Variants in DTNBP1 observed in about 807,000 individuals in gnomAD.
DTNBP1 encodes the protein dystrobrevin binding protein 1.
DTNBP1 carries 35 observed loss-of-function variants against 42.8 expected under a neutral mutation model. The ratio of observed to expected loss-of-function variants is 0.82; its 90% confidence interval spans 0.63 to 1.09. The LOEUF (loss-of-function observed/expected upper bound fraction) is 1.09. Ranked by LOEUF, DTNBP1 falls within the 50% of genes least tolerant of loss-of-function variation. The pLI, the probability that DTNBP1 is intolerant of heterozygous loss-of-function variation, is 0.00. For synonymous variants in DTNBP1, 171 were observed against 162.2 expected, an observed-to-expected ratio of 1.05 and a Z score of -0.41; for missense variants, 457 against 424.2, an observed-to-expected ratio of 1.08 and a Z score of -0.68.
chr6:15,634,404 C>T (rs1427945513), intron 4 of DTNBP1, among the ~76,000 whole-genome samples: 3 of 152,170 alleles, frequency 2.0e-5, no homozygotes, highest in African/African-American at 7.2e-5. Context: ...ACAACCTCTG[C>T]CTCCCAGGTT....
At chr6:15,625,511 G>A (rs865824351) in intron 5 of DTNBP1, among the ~76,000 whole-genome samples, 2 of 152,304 alleles carry the variant, frequency 1.3e-5, no homozygotes, top group South Asian at 4.1e-4. Context: ...TGCAGTTTCT[G>A]AAGAATAAGG....
In DTNBP1 at chr6:15,533,573, C is replaced by A. The variant is rs1438266750; in HGVS notation, c.512-178G>T. The A allele has an allele frequency of 2.9e-6, 3 of 1,021,810 alleles. No homozygotes were observed. In the Admixed American group the frequency reaches 5.7e-5, roughly 19 times the overall value. 63.3% of individuals were successfully genotyped at this position (1,021,810 alleles called of 1,614,324 possible). ...CCTTGTCCCCCAATCTGCTGCACTT[C>A]CTCCCCCTACCTGGGCGGTCAGGGT... is the stretch of plus-strand genomic sequence containing the variant. On this transcript the variant is annotated intron_variant, in intron 7 of 9. Coordinates refer to ENST00000344537, the MANE Select transcript of DTNBP1 (RefSeq NM_032122.5).
chr6:15,634,451 G>A (rs887912753), intron 4 of DTNBP1, among the ~76,000 whole-genome samples: 1 of 152,082 alleles, frequency 6.6e-6, no homozygotes, highest in Non-Finnish European at 1.5e-5. Context: ...CAAGTAGCTG[G>A]AATTACAGGT....
At chr6:15,620,625 A>G (rs1033241514) in intron 5 of DTNBP1, among the ~76,000 whole-genome samples, 1 of 152,238 alleles carries the variant, frequency 6.6e-6, no homozygotes, top group Non-Finnish European at 1.5e-5. Flanking sequence ...TGTATAAAAC[A>G]CTATCATAGC....
chr6:15,554,411 T>C (rs1426922862), intron 7 of DTNBP1, among the ~76,000 whole-genome samples: 1 of 152,150 alleles, frequency 6.6e-6, no homozygotes, highest in African/African-American at 2.4e-5. Context: ...TGTCTTTTGT[T>C]ATAGGGGTCT....
chr6:15,597,996 T>C (rs1776581689), intron 6 of DTNBP1, among the ~76,000 whole-genome samples: 1 of 152,242 alleles, frequency 6.6e-6, no homozygotes, highest in Non-Finnish European at 1.5e-5. Context: ...TCATTTTAAA[T>C]GTTAACATAT....
chr6:15,657,125 A>C (rs940555218), intron 1 of DTNBP1, among the ~76,000 whole-genome samples: 2 of 152,172 alleles, frequency 1.3e-5, no homozygotes, highest in Non-Finnish European at 2.9e-5. Flanking sequence ...AGCTGCACAG[A>C]CTCAGGAAAG....
At position 15,587,495 on chromosome 6, in the gene DTNBP1, CA is replaced by C. The variant is rs1561976616; in HGVS notation, c.511+5563del. On this transcript the variant is annotated intron_variant, in intron 7 of 9. Coordinates refer to ENST00000344537, the MANE Select transcript of DTNBP1 (RefSeq NM_032122.5). This position sits in a 1 kb window ranked among gnomAD's most constrained non-coding sequence, Gnocchi z 4.1. ...AGTAGGTTGGAGGACTTAGACGTCCCAATTTCAAATCTTACTACGAAGCTAC... is the reference window on the plus strand; with the variant it reads ...AGTAGGTTGGAGGACTTAGACGTCCCATTTCAAATCTTACTACGAAGCTAC... Among the ~76,000 whole-genome samples, 2 of 152,274 alleles carry C rather than the reference CA, an allele frequency of 1.3e-5. No homozygotes were observed. Among genetic ancestry groups the C allele is most frequent in the Non-Finnish European group, 2.9e-5 (2 of 68,036 alleles).
chr6:15,540,465 T>C (rs1773490596), intron 7 of DTNBP1, among the ~76,000 whole-genome samples: 1 of 152,236 alleles, frequency 6.6e-6, no homozygotes, highest in South Asian at 2.1e-4. Context: ...AGATTTTCTG[T>C]AGATATATAA....
At chr6:15,535,980 C>T (rs960316381) in intron 7 of DTNBP1, among the ~76,000 whole-genome samples, 2 of 152,134 alleles carry the variant, frequency 1.3e-5, no homozygotes, top group Non-Finnish European at 2.9e-5. Flanking sequence ...ATCTGTGGAA[C>T]CTTGAACTTG....
At chr6:15,572,440 A>G (rs566096892) in intron 7 of DTNBP1, among the ~76,000 whole-genome samples, 3 of 152,318 alleles carry the variant, frequency 2.0e-5, no homozygotes, top group South Asian at 2.1e-4. Context: ...TGTTGTTCCT[A>G]TATCTTTATA....
chr6:15,649,398 C>A (rs1179739143), intron 3 of DTNBP1, among the ~76,000 whole-genome samples: 1 of 152,034 alleles, frequency 6.6e-6, no homozygotes, highest in East Asian at 1.9e-4. Context: ...TGAAATAAGC[C>A]GGTCACACAC....
chr6:15,624,254 A>C (rs1759212929), intron 5 of DTNBP1, among the ~76,000 whole-genome samples: 1 of 152,236 alleles, frequency 6.6e-6, no homozygotes, highest in Non-Finnish European at 1.5e-5. Flanking sequence ...CAGTTTTTAA[A>C]GTGAGGAAGT....
chr6:15,524,092 G>A (rs754289746), intron 9 of DTNBP1: 285 of 1,328,240 alleles, frequency 2.1e-4, no homozygotes, highest in Non-Finnish European at 2.6e-4. Flanking sequence ...CAGGCCAAGA[G>A]CTGAACACAC....
intron 7 of DTNBP1, among the ~76,000 whole-genome samples, chr6:15,569,093 T>TA (rs769636474): frequency 7.2e-5 from 11 of 152,184 alleles, no homozygotes; most frequent in Non-Finnish European, 1.3e-4. Flanking sequence ...AATTAAACTG[T>TA]AATCAGGCTG....
chr6:15,557,280 G>A (rs1334482260), intron 7 of DTNBP1, among the ~76,000 whole-genome samples: 1 of 150,004 alleles, frequency 6.7e-6, no homozygotes, highest in Non-Finnish European at 1.5e-5. Flanking sequence ...GGTTTAAAAG[G>A]TTAAAGGATT....
At chr6:15,599,070 C>G (rs184594768) in intron 6 of DTNBP1, among the ~76,000 whole-genome samples, 13 of 152,236 alleles carry the variant, frequency 8.5e-5, no homozygotes, top group African/African-American at 3.1e-4. Context: ...TGAAGGTCTA[C>G]GCAGGTTGGC....
intron 1 of DTNBP1, chr6:15,660,546 G>A: frequency 7.8e-7 from 1 of 1,289,524 alleles, no homozygotes; most frequent in Non-Finnish European, 1.0e-6. Context: ...GCCAACAAAA[G>A]ACCTAATGAA....
intron 9 of DTNBP1, chr6:15,524,122 C>G (rs1272124294): frequency 7.4e-7 from 1 of 1,360,428 alleles, no homozygotes; most frequent in Non-Finnish European, 9.6e-7. Flanking sequence ...TTGCCCATGG[C>G]AGGCACGCCC....
Sources: gnomAD v4.1 joint callset for allele counts (sites outside exome capture counted in the v4.1 genomes callset) on GRCh38, gnomAD v4.1.1 for gene constraint, Gnocchi (gnomAD v3.1) non-coding constraint, MANE v1.5 for transcripts, NCBI Gene and HGNC (gene_info 2026-07-23, HGNC 2026-07-21) for gene names.